The following MERTK variants were observed in gnomAD, a reference collection of about 807,000 sequenced individuals.
The protein encoded by MERTK is MER proto-oncogene, tyrosine kinase, also known as tyrosine-protein kinase Mer.
MERTK carries 69 observed loss-of-function variants against 99.3 expected under a neutral mutation model. The observed-to-expected ratio is 0.70, with a 90% confidence interval of 0.57 to 0.85. The LOEUF (loss-of-function observed/expected upper bound fraction) is 0.85. MERTK is among the 40% of genes least tolerant of loss of function. The pLI, the probability that MERTK is intolerant of heterozygous loss-of-function variation, is 0.00. For missense variants in MERTK, 1,125 were observed against 1,249.4 expected, an observed-to-expected ratio of 0.90 and a Z score of 1.50; for synonymous variants, 426 against 467.6, an observed-to-expected ratio of 0.91 and a Z score of 1.15.
intron 18 of MERTK, among the ~76,000 whole-genome samples, chr2:112,025,957 C>A (rs1677452266): frequency 1.3e-5 from 2 of 152,234 alleles, no homozygotes; most frequent in Non-Finnish European, 2.9e-5. Flanking sequence ...TAATCCCATT[C>A]TCTCCTCAAT....
chr2:112,028,171 A>G, intron 18 of MERTK, 180 bp from the exon 19 acceptor site: 1 of 685,436 alleles, frequency 1.5e-6, no homozygotes, highest in Non-Finnish European at 2.4e-6. Context: ...GTCAAATACC[A>G]TGGAACATTT....
chr2:111,947,860 T>G (rs564644095), intron 4 of MERTK, among the ~76,000 whole-genome samples: 1 of 152,136 alleles, frequency 6.6e-6, no homozygotes, highest in African/African-American at 2.4e-5. Flanking sequence ...GCATCTCCCA[T>G]TGTAGCTGTG....
At chr2:111,984,689 CA>C (rs1440497960) in intron 8 of MERTK, among the ~76,000 whole-genome samples, 2 of 152,258 alleles carry the variant, frequency 1.3e-5, no homozygotes, top group Admixed American at 1.3e-4. Context: ...ACTTACAGAT[CA>C]TGATGATGAC....
Position 112,022,272 on chromosome 2 carries a change from G to C in MERTK, c.2364G>C (p.Val788=), listed in dbSNP as rs1171634690. The change falls in exon 18 of 19, where the codon GTG becomes GTC. Residue 788 remains valine (V), a synonymous_variant. Transcript: ENST00000295408. ...TTTGTTCCCAGTGGGCATTTGGCGT[G>C]ACCATGTGGGAAATAGCTACGCGGG... The part of the protein sequence containing the change: ...TSKSDVWAFG[V]TMWEIATRGM... 1.2e-6 allele frequency: 2 copies of C among 1,614,088 alleles called. No individual in the cohort carries two copies. The highest frequency in any genetic ancestry group is 8.5e-7 in the Non-Finnish European group (1 of 1,180,048).
intron 2 of MERTK, among the ~76,000 whole-genome samples, chr2:111,931,384 T>C (rs1382804315): frequency 6.6e-6 from 1 of 152,198 alleles, no homozygotes; most frequent in Non-Finnish European, 1.5e-5. Flanking sequence ...AAAGCAGATG[T>C]CTTACAATTA....
intron 1 of MERTK, among the ~76,000 whole-genome samples, chr2:111,914,425 G>T (rs1160678773): frequency 1.3e-5 from 2 of 152,014 alleles, no homozygotes; most frequent in Admixed American, 6.5e-5. Context: ...CTGCAGGTGT[G>T]AGCCACTGCG....
At chr2:112,011,008 A>G (rs1373070659) in intron 15 of MERTK, among the ~76,000 whole-genome samples, 1 of 152,026 alleles carries the variant, frequency 6.6e-6, no homozygotes, top group African/African-American at 2.4e-5. Flanking sequence ...GCCCTTAATC[A>G]CAGCTGTAAG....
At chr2:111,960,185 A>T (rs1368152635) in intron 4 of MERTK, among the ~76,000 whole-genome samples, 1 of 152,184 alleles carries the variant, frequency 6.6e-6, no homozygotes, top group Non-Finnish European at 1.5e-5. Context: ...CAGAGACAGA[A>T]AATTCCAAAT....
chr2:111,957,956 C>T (rs1203574981), intron 4 of MERTK, among the ~76,000 whole-genome samples: 2 of 152,146 alleles, frequency 1.3e-5, no homozygotes, highest in Admixed American at 6.5e-5. Flanking sequence ...TCGGATTGTC[C>T]TTCTCTCAAG....
At chr2:111,926,151 G>A (rs892706217) in intron 1 of MERTK, among the ~76,000 whole-genome samples, 3 of 151,964 alleles carry the variant, frequency 2.0e-5, no homozygotes, top group Admixed American at 1.3e-4. Context: ...ATTTTATATT[G>A]TATATGCTTC....
intron 1 of MERTK, among the ~76,000 whole-genome samples, chr2:111,908,291 A>C (rs1426111950): frequency 6.6e-6 from 1 of 152,066 alleles, no homozygotes; most frequent in African/African-American, 2.4e-5. Context: ...TTCCCTTTTT[A>C]CCATTATATT....
At chr2:112,021,713 C>CTT (rs368929697) in intron 17 of MERTK, 132 bp downstream of exon 17, 3 of 784,934 alleles carry the variant, frequency 3.8e-6, no homozygotes, top group Non-Finnish European at 6.5e-6. Flanking sequence ...GCTCAGATCT[C>CTT]TTTTATATCT....
At chr2:112,022,098 C>T (rs1372270690) in intron 17 of MERTK, among the ~76,000 whole-genome samples, 160 bp from the exon 18 acceptor site, 2 of 152,188 alleles carry the variant, frequency 1.3e-5, no homozygotes, top group African/African-American at 4.8e-5. Flanking sequence ...CACTCCAACC[C>T]CACGTTATTG....
At position 111,964,630 on chromosome 2, in the gene MERTK, T is replaced by C. The variant is rs576253829; in HGVS notation, c.758-561T>C. On this transcript the variant is annotated intron_variant, in intron 4 of 18. Transcript: ENST00000295408. Reference sequence around the variant, plus strand: ...AGATGTCTTCAAACCTCTGAAATGATAGAATTTTTCATTTAGCACTAGTGT... The same window carrying C: ...AGATGTCTTCAAACCTCTGAAATGACAGAATTTTTCATTTAGCACTAGTGT... Among the ~76,000 whole-genome samples, 3 of 152,324 alleles carry C rather than the reference T, an allele frequency of 2.0e-5. No homozygotes were observed. The East Asian group carries it at 5.8e-4, about 29-fold the overall frequency.
At chr2:112,000,956 G>A (rs1676856116) in intron 10 of MERTK, among the ~76,000 whole-genome samples, 1 of 152,152 alleles carries the variant, frequency 6.6e-6, no homozygotes, top group Non-Finnish European at 1.5e-5. Context: ...GACTGTTACA[G>A]CTTTGGCCAC....
At chr2:111,968,983 T>C (rs1432602850) in intron 6 of MERTK, among the ~76,000 whole-genome samples, 1 of 152,184 alleles carries the variant, frequency 6.6e-6, no homozygotes, top group African/African-American at 2.4e-5. Flanking sequence ...CTACTGAGCG[T>C]AGCACCTTAC....
At chr2:111,916,919 AGT>A (rs1422902190) in intron 1 of MERTK, among the ~76,000 whole-genome samples, 1 of 151,894 alleles carries the variant, frequency 6.6e-6, no homozygotes, top group Non-Finnish European at 1.5e-5. Context: ...TTGACATCTG[AGT>A]GTGGGGATAT....
chr2:111,925,301 T>A lies in MERTK; in HGVS notation c.62-3819T>A, dbSNP rs1263873627. 2.5e-3 allele frequency among the ~76,000 whole-genome samples: 253 copies of A among 99,688 alleles called. 7 individuals are homozygous for A. The highest frequency in any genetic ancestry group is 5.2e-3 in the Middle Eastern group (1 of 192). 65.4% of individuals were successfully genotyped at this position (99,688 alleles called of 152,430 possible). On this transcript the variant is annotated intron_variant, in intron 1 of 18. Transcript: ENST00000295408. Reference sequence around the variant, plus strand: ...ATATATATATATATATATTTTTTTTTTTTTTTTTTTTTTTTTTGAGATGGA... The same window carrying A: ...ATATATATATATATATATTTTTTTTATTTTTTTTTTTTTTTTTGAGATGGA...
At chr2:111,917,112 C>T (rs1273762971) in intron 1 of MERTK, among the ~76,000 whole-genome samples, 1 of 152,190 alleles carries the variant, frequency 6.6e-6, no homozygotes, top group African/African-American at 2.4e-5. Context: ...GCAGTGAAAG[C>T]CCTGACTTTC....
Sources: gnomAD v4.1 joint callset for allele counts (sites outside exome capture counted in the v4.1 genomes callset) on GRCh38, gnomAD v4.1.1 for gene constraint, MANE v1.5 for transcripts, NCBI Gene and HGNC (gene_info 2026-07-23, HGNC 2026-07-21) for gene names.